KCNH5: variants seen among roughly 807,000 people sequenced by gnomAD.
The protein encoded by KCNH5 is voltage-gated delayed rectifier potassium channel KCNH5.
Under a neutral mutation model 96.1 loss-of-function variants are expected in KCNH5, and 46 were observed. That is an observed-to-expected ratio of 0.48 (90% CI 0.38 to 0.61). The LOEUF (loss-of-function observed/expected upper bound fraction) is 0.61. Ranked by LOEUF, KCNH5 falls within the 20% of genes least tolerant of loss-of-function variation. The pLI is 0.00. For synonymous variants in KCNH5, 439 were observed against 449.8 expected, an observed-to-expected ratio of 0.98 and a Z score of 0.30; for missense variants, 907 against 1,225.8, an observed-to-expected ratio of 0.74 and a Z score of 3.88.
Position 62,919,698 on chromosome 14 carries a change from C to T in KCNH5, c.1369+30435G>A, listed in dbSNP as rs111958657. On this transcript the variant is annotated intron_variant, in intron 7 of 10. Transcript: ENST00000322893. The stretch of plus-strand genomic sequence containing the variant: ...CTGACATCCTAGAAAAGAAGTCTGC[C>T]GTTCATTGTAAAATGAAATCATACA... Among the ~76,000 whole-genome samples, 511 of 152,110 alleles carry T rather than the reference C, an allele frequency of 3.4e-3. 4 individuals are homozygous for T. The highest frequency in any genetic ancestry group is 0.012 in the African/African-American group (486 of 41,516).
chr14:62,909,281 G>A (rs942992390), intron 7 of KCNH5, among the ~76,000 whole-genome samples: 1 of 151,530 alleles, frequency 6.6e-6, no homozygotes. Context: ...TCCTGACCTC[G>A]TGATCCGCCC....
chr14:63,035,194 C>T (rs947776959), intron 1 of KCNH5, among the ~76,000 whole-genome samples: 2 of 152,054 alleles, frequency 1.3e-5, no homozygotes, highest in African/African-American at 4.8e-5. Context: ...CATTTTAAAT[C>T]CTACAAATAA....
chr14:62,929,875 C>T (rs1388217447), intron 7 of KCNH5, among the ~76,000 whole-genome samples: 1 of 151,902 alleles, frequency 6.6e-6, no homozygotes, highest in African/African-American at 2.4e-5. Context: ...TGTTTAGCTC[C>T]CATGCAGAAT....
At chr14:62,955,014 G>A (rs563761570) in intron 6 of KCNH5, among the ~76,000 whole-genome samples, 6 of 150,312 alleles carry the variant, frequency 4.0e-5, no homozygotes, top group African/African-American at 9.8e-5. Context: ...TTTGGGTGGG[G>A]AAACAGCCAA....
At chr14:62,970,662 G>A (rs1266624110) in intron 6 of KCNH5, among the ~76,000 whole-genome samples, 1 of 152,120 alleles carries the variant, frequency 6.6e-6, no homozygotes, top group Admixed American at 6.5e-5. Context: ...GTGACCAACT[G>A]GATTTGGTTC....
chr14:63,003,610 A>T (rs1419264802), intron 3 of KCNH5, among the ~76,000 whole-genome samples: 3 of 93,924 alleles, frequency 3.2e-5, no homozygotes, highest in African/African-American at 4.2e-5. Flanking sequence ...ATTTATATTT[A>T]TATATATATA....
At chr14:62,894,522 T>C (rs140896725) in intron 7 of KCNH5, among the ~76,000 whole-genome samples, 1 of 152,368 alleles carries the variant, frequency 6.6e-6, no homozygotes, top group East Asian at 1.9e-4. Context: ...ACCAATGAAT[T>C]AATCCAGGTT....
chr14:62,757,152 C>A (rs1021550147), intron 10 of KCNH5, among the ~76,000 whole-genome samples: 2 of 152,154 alleles, frequency 1.3e-5, no homozygotes, highest in South Asian at 4.1e-4. Flanking sequence ...GTAGACATTT[C>A]TCAAAAGAAG....
chr14:62,946,050 T>C (rs1000819163), intron 7 of KCNH5, among the ~76,000 whole-genome samples: 1 of 151,982 alleles, frequency 6.6e-6, no homozygotes, highest in Non-Finnish European at 1.5e-5. Context: ...ATAGAGATTG[T>C]AGGGCAAGCA....
intron 10 of KCNH5, among the ~76,000 whole-genome samples, chr14:62,733,520 T>A (rs1339390939): frequency 6.6e-6 from 1 of 152,154 alleles, no homozygotes; most frequent in Non-Finnish European, 1.5e-5. Flanking sequence ...CCCCAGTATA[T>A]GGCAATTTAG....
intron 6 of KCNH5, among the ~76,000 whole-genome samples, chr14:62,976,038 G>A (rs534613083): frequency 4.0e-5 from 6 of 151,568 alleles, no homozygotes; most frequent in East Asian, 1.9e-4. Context: ...AGAAAATAAC[G>A]TGGAAGAAAT....
intron 7 of KCNH5, among the ~76,000 whole-genome samples, chr14:62,938,849 C>T (rs1889734184): frequency 1.3e-5 from 2 of 152,176 alleles, no homozygotes; most frequent in African/African-American, 4.8e-5. Context: ...ACTTCTAAGC[C>T]AATGCTACCT....
Position 63,035,657 on chromosome 14 carries a change from G to C in KCNH5, c.73+9457C>G, listed in dbSNP as rs1190124635. On this transcript the variant is annotated intron_variant, in intron 1 of 10. Coordinates refer to ENST00000322893, the MANE Select transcript of KCNH5 (RefSeq NM_139318.5). ...TTGTTTGGGGCGAGGATGGACAGAG[G>C]TGTGTTGTTTGTTTGGGTTTAGTAT... Among the ~76,000 whole-genome samples the C allele has an allele frequency of 2.0e-5, 3 of 152,178 alleles. No individual in the cohort carries two copies. The East Asian group carries it at 5.8e-4, about 29-fold the overall frequency.
rs183685248 is a variant in KCNH5 at position 62,963,741 on chromosome 14, A to G, written c.943-13182T>C. On this transcript the variant is annotated intron_variant, in intron 6 of 10. Coordinates refer to ENST00000322893, the MANE Select transcript of KCNH5 (RefSeq NM_139318.5). ...TTCTCAGCAAGAAACAGATACACCC[A>G]GTAACAATGTGTAATCTGAATACCC... Among the ~76,000 whole-genome samples, 20 of 152,316 alleles carry G rather than the reference A, an allele frequency of 1.3e-4. 1 individual carries two copies. The East Asian group carries it at 2.5e-3, about 19-fold the overall frequency.
chr14:62,849,731 G>T lies in KCNH5; in HGVS notation c.1491C>A (p.Val497=), dbSNP rs1359260586. 1 of 1,613,746 alleles carries T rather than the reference G, an allele frequency of 6.2e-7. No homozygotes were observed. Among genetic ancestry groups the T allele is most frequent in the Non-Finnish European group, 8.5e-7 (1 of 1,179,860 alleles). The change falls in exon 8 of 11, where the codon GTC becomes GTA. Residue 497 remains valine, a synonymous_variant. Transcript: ENST00000322893. ...NVRDFLKLYQ[V]PKGLSERVMD... ...TGACTCGCTCACTAAGGCCTTTTGG[G>T]ACCTGATAGAGTTTTAGGAAGTCCC...
intron 10 of KCNH5, among the ~76,000 whole-genome samples, chr14:62,751,426 A>G (rs1354822039): frequency 2.6e-5 from 4 of 152,172 alleles, no homozygotes; most frequent in African/African-American, 9.7e-5. Flanking sequence ...AGATATGCCT[A>G]GTTGTCCAAT....
intron 5 of KCNH5, among the ~76,000 whole-genome samples, chr14:62,986,630 A>G (rs1393136609): frequency 3.3e-5 from 5 of 152,128 alleles, no homozygotes; most frequent in Non-Finnish European, 7.3e-5. Flanking sequence ...TCTCCTGCAC[A>G]GGCTCCCACA....
At chr14:62,767,531 A>T (rs1443933197) in intron 10 of KCNH5, among the ~76,000 whole-genome samples, 1 of 152,246 alleles carries the variant, frequency 6.6e-6, no homozygotes, top group Non-Finnish European at 1.5e-5. Context: ...AGTAATGCAG[A>T]TACAGCAGGA....
At chr14:63,019,350 A>C (rs1358644427) in intron 1 of KCNH5, among the ~76,000 whole-genome samples, 1 of 152,090 alleles carries the variant, frequency 6.6e-6, no homozygotes, top group Non-Finnish European at 1.5e-5. Flanking sequence ...AAAAATTATA[A>C]AAGTTTGTGA....
Sources: gnomAD v4.1 joint callset for allele counts (sites outside exome capture counted in the v4.1 genomes callset) on GRCh38, gnomAD v4.1.1 for gene constraint, MANE v1.5 for transcripts, NCBI Gene and HGNC (gene_info 2026-07-23, HGNC 2026-07-21) for gene names.